ZFHX4: variants seen among roughly 807,000 people sequenced by gnomAD.
ZFHX4 encodes zinc finger homeobox 4.
In ZFHX4, 56 loss-of-function variants were observed where a neutral mutation model predicts 267.6. The ratio of observed to expected loss-of-function variants is 0.21; its 90% CI spans 0.17 to 0.26. The LOEUF is 0.26. ZFHX4 is among the 10% of genes least tolerant of loss of function. The pLI, the probability that ZFHX4 is intolerant of heterozygous loss-of-function variation, is 1.00. For missense variants in ZFHX4, 4,332 were observed against 4,420.0 expected (o/e 0.98, Z 0.56); for synonymous variants, 1,778 against 1,665.6 (o/e 1.07, Z -1.64).
At chr8:76,721,653 A>T (rs1808724074) in intron 3 of ZFHX4, among the ~76,000 whole-genome samples, 1 of 152,132 alleles carries the variant, frequency 6.6e-6, no homozygotes, top group African/African-American at 2.4e-5. Flanking sequence ...CCTTTGTATC[A>T]TTTAGAGAAT....
intron 4 of ZFHX4, among the ~76,000 whole-genome samples, chr8:76,832,475 T>C (rs114131261): frequency 3.1e-4 from 47 of 152,206 alleles, no homozygotes; most frequent in African/African-American, 1.1e-3. Flanking sequence ...AGATGACTCC[T>C]GAGATTTTAT....
intron 6 of ZFHX4, 55 bp downstream of exon 6, chr8:76,842,826 C>T (rs1351057376): frequency 3.1e-6 from 4 of 1,284,888 alleles, no homozygotes; most frequent in South Asian, 2.7e-5. Context: ...TCCCTGCCAT[C>T]AACTCTTCCT....
At chr8:76,845,576 C>T (rs1269342998) in intron 6 of ZFHX4, among the ~76,000 whole-genome samples, 1 of 151,844 alleles carries the variant, frequency 6.6e-6, no homozygotes, top group Admixed American at 6.6e-5. Flanking sequence ...TTATAGTATT[C>T]AAACTTTATT....
Position 76,681,489 on chromosome 8 carries a change from G to T in ZFHX4, c.-178G>T, listed in dbSNP as rs1486467518. 1 of 398,140 alleles carries T rather than the reference G, an allele frequency of 2.5e-6. No homozygotes were observed. Among genetic ancestry groups the T allele is most frequent in the Non-Finnish European group, 4.4e-6 (1 of 225,940 alleles). The allele number at this position is 398,140 out of a possible 1,614,324, so 24.7% of individuals were successfully genotyped here. A position where few individuals can be genotyped will look rare whatever the true frequency, so the allele number is the denominator to read the frequency against. On this transcript the variant is annotated 5_prime_UTR_variant, in exon 1 of 11. The change creates a new upstream start codon in the 5' untranslated region. Coordinates refer to ENST00000651372, the MANE Select transcript of ZFHX4 (RefSeq NM_024721.5). ...TTTATTTTCACCCAATAAAGTTCGA[G>T]GATTATTTTTTATTTTTTTTGTTTT...
chr8:76,700,128 C>G (rs1232320035), intron 1 of ZFHX4, among the ~76,000 whole-genome samples: 2 of 151,910 alleles, frequency 1.3e-5, no homozygotes, highest in Admixed American at 6.6e-5. Context: ...TATTTATTTT[C>G]TATTTTTTTT....
At position 76,821,451 on chromosome 8, in the gene ZFHX4, T is replaced by C. The variant is rs1464654488; in HGVS notation, c.3326-11887T>C. 2.0e-5 allele frequency among the ~76,000 whole-genome samples: 3 copies of C among 152,098 alleles called. No individual in the cohort carries two copies. In the East Asian group the frequency reaches 5.8e-4, roughly 29 times the overall value. ...CTGTTGACCTGTTCTTTGGCAAACC[T>C]AATGACCAATTCCTAGTCGGCCTAA... On this transcript the variant is annotated intron_variant, in intron 4 of 10. Coordinates refer to ENST00000651372, the MANE Select transcript of ZFHX4 (RefSeq NM_024721.5).
chr8:76,765,700 CA>C (rs962077049), intron 3 of ZFHX4, among the ~76,000 whole-genome samples: 20 of 152,096 alleles, frequency 1.3e-4, no homozygotes, highest in African/African-American at 4.8e-4. Context: ...AAAAGGGGAA[CA>C]GAACAGATTA....
intron 4 of ZFHX4, among the ~76,000 whole-genome samples, chr8:76,828,256 C>T (rs551434048): frequency 2.0e-5 from 3 of 151,474 alleles, no homozygotes; most frequent in Non-Finnish European, 4.4e-5. Flanking sequence ...TGCTTTGAAG[C>T]GATGTGAGCT....
At position 76,704,513 on chromosome 8, in the gene ZFHX4, T is replaced by G. The variant is rs1808191858; in HGVS notation, c.425T>G (p.Ile142Ser). ...CAGCCTGATGGGTCAGCATATATAA[T>G]TGAGGACTCCAAAGAAAGTGGGCAG... ...VYQPDGSAYI[I>S]EDSKESGQNA... is the part of the protein sequence containing the mutation. The change falls in exon 2 of 11, where the codon ATT becomes AGT. Residue 142 changes from isoleucine to serine, a missense_variant. By Grantham distance (142) the Ile-to-Ser change is moderately radical. Around this residue, in one of 7 missense-constraint regions of ZFHX4, gnomAD observed 1,195 missense variants for 1,173.6 expected, o/e 1.02. Coordinates refer to ENST00000651372, the MANE Select transcript of ZFHX4 (RefSeq NM_024721.5). 6.2e-7 allele frequency: 1 copy of G among 1,613,904 alleles called. No individual in the cohort carries two copies.
At chr8:76,692,692 G>GT (rs1191473703) in intron 1 of ZFHX4, among the ~76,000 whole-genome samples, 1 of 151,570 alleles carries the variant, frequency 6.6e-6, no homozygotes, top group Non-Finnish European at 1.5e-5. Flanking sequence ...TGAAAGTTCT[G>GT]TTTTTTTAAT....
At chr8:76,815,360 T>G (rs112526933) in intron 4 of ZFHX4, among the ~76,000 whole-genome samples, 3,131 of 152,248 alleles carry the variant, frequency 0.021, 98 homozygotes, top group African/African-American at 0.066. Flanking sequence ...TTCTTATAGT[T>G]CTGCAGGCTG....
chr8:76,804,613 C>A (rs555025198), intron 4 of ZFHX4, among the ~76,000 whole-genome samples: 1 of 152,044 alleles, frequency 6.6e-6, no homozygotes, highest in African/African-American at 2.4e-5. Context: ...TGTGAGTTTG[C>A]AGAATTTGCC....
At chr8:76,825,003 T>C (rs1811748405) in intron 4 of ZFHX4, among the ~76,000 whole-genome samples, 1 of 152,218 alleles carries the variant, frequency 6.6e-6, no homozygotes, top group African/African-American at 2.4e-5. Flanking sequence ...GAAATCGATG[T>C]TTAGTCTTGT....
intron 3 of ZFHX4, among the ~76,000 whole-genome samples, chr8:76,772,833 T>C (rs750028612): frequency 6.8e-4 from 104 of 152,122 alleles, no homozygotes; most frequent in Admixed American, 4.6e-4. Flanking sequence ...CTGTAGATGA[T>C]ATACTTGCTA....
intron 1 of ZFHX4, among the ~76,000 whole-genome samples, chr8:76,700,802 G>A (rs1029497246): frequency 2.6e-5 from 4 of 152,040 alleles, no homozygotes; most frequent in African/African-American, 9.7e-5. Context: ...TTTTCTCTTC[G>A]GGATTTCTTG....
intron 3 of ZFHX4, among the ~76,000 whole-genome samples, chr8:76,737,132 C>G (rs1210690174): frequency 6.6e-6 from 1 of 152,156 alleles, no homozygotes; most frequent in East Asian, 1.9e-4. Context: ...TTTTCCCTAT[C>G]TACAATCACA....
chr8:76,752,570 C>T (rs1809649212), intron 3 of ZFHX4, among the ~76,000 whole-genome samples: 1 of 151,266 alleles, frequency 6.6e-6, no homozygotes, highest in African/African-American at 2.4e-5. Flanking sequence ...ACTAGGAAAG[C>T]TGTGGCAGGA....
At chr8:76,830,760 T>C (rs1811913175) in intron 4 of ZFHX4, among the ~76,000 whole-genome samples, 1 of 152,220 alleles carries the variant, frequency 6.6e-6, no homozygotes. Flanking sequence ...ATTAAATCAC[T>C]ATCAAATGAA....
At chr8:76,857,897 T>A (rs1812774538) in intron 10 of ZFHX4, among the ~76,000 whole-genome samples, 1 of 152,086 alleles carries the variant, frequency 6.6e-6, no homozygotes, top group South Asian at 2.1e-4. Context: ...CCATTTTATA[T>A]ACCACTGATT....
Sources: allele counts gnomAD v4.1 joint callset (sites outside exome capture counted in the v4.1 genomes callset), GRCh38; gene constraint gnomAD v4.1.1; regional missense constraint gnomAD v4.1.1; transcripts MANE v1.5; gene names NCBI Gene and HGNC (gene_info 2026-07-23, HGNC 2026-07-21).